The following DCAF1 variants were observed in gnomAD, a reference collection of about 807,000 sequenced individuals.
DCAF1 encodes DDB1 and CUL4 associated factor 1, also known as DDB1- and CUL4-associated factor 1.
In DCAF1, 15 loss-of-function variants were observed where a neutral mutation model predicts 128.0. The observed-to-expected ratio is 0.12, with a 90% CI of 0.08 to 0.18. The LOEUF (loss-of-function observed/expected upper bound fraction) is 0.18. Ranked by LOEUF, DCAF1 falls within the 10% of genes least tolerant of loss-of-function variation. The pLI is 1.00. For missense variants in DCAF1, 988 were observed against 1,649.5 expected, an observed-to-expected ratio of 0.60 and a Z score of 6.95; for synonymous variants, 610 against 603.0, an observed-to-expected ratio of 1.01 and a Z score of -0.17.
rs935699965 is a variant in DCAF1, at chr3:51,398,303, T to C, written c.*466A>G. On this transcript the variant is annotated 3_prime_UTR_variant, in exon 25 of 25. Coordinates refer to ENST00000684031, the MANE Select transcript of DCAF1 (RefSeq NM_001387579.1). ...CCTCTATATTGTTCTTTAGACATCA[T>C]TTTCTTCCAAAGAAAATGAAGTGCA... 1 of 152,894 alleles carries C rather than the reference T, an allele frequency of 6.5e-6. No homozygotes were observed. The highest frequency in any genetic ancestry group is 1.5e-5 in the Non-Finnish European group (1 of 68,592). The allele number at this position is 152,894 out of a possible 1,614,324, so 9.5% of individuals were successfully genotyped here. A position where few individuals can be genotyped will look rare whatever the true frequency, so the allele number is the denominator to read the frequency against.
At chr3:51,448,275 G>T (rs1702061840) in intron 6 of DCAF1, among the ~76,000 whole-genome samples, 1 of 152,060 alleles carries the variant, frequency 6.6e-6, no homozygotes, top group Non-Finnish European at 1.5e-5. Flanking sequence ...TCTAATTCTA[G>T]TCCATGTTTC....
chr3:51,460,039 G>A (rs1343636144), intron 6 of DCAF1, among the ~76,000 whole-genome samples: 1 of 152,136 alleles, frequency 6.6e-6, no homozygotes, highest in East Asian at 1.9e-4. Flanking sequence ...TCAACATAGC[G>A]TTGGGAGTTC....
intron 6 of DCAF1, among the ~76,000 whole-genome samples, chr3:51,452,783 G>A (rs782247458): frequency 6.6e-6 from 1 of 152,030 alleles, no homozygotes; most frequent in South Asian, 2.1e-4. Context: ...AGGCTGAGGT[G>A]GGCGAATCAT....
chr3:51,428,925 G>C (rs560108266), intron 12 of DCAF1, among the ~76,000 whole-genome samples: 1 of 152,242 alleles, frequency 6.6e-6, no homozygotes, highest in East Asian at 1.9e-4. Context: ...CCTGAACCTG[G>C]GAGGTTAATG....
rs904310007 is a variant in DCAF1 at position 51,430,552 on chromosome 3, A to G, written c.1288-340T>C. On this transcript the variant is annotated intron_variant, in intron 10 of 24. Coordinates refer to ENST00000684031, the MANE Select transcript of DCAF1 (RefSeq NM_001387579.1). ...AGGAAGAGGTAAGGAACTTCTCCAAATGTGATAAAAGTGGCTCAGATTTCT... is the reference window on the plus strand; with the variant it reads ...AGGAAGAGGTAAGGAACTTCTCCAAGTGTGATAAAAGTGGCTCAGATTTCT... Among the ~76,000 whole-genome samples the G allele has an allele frequency of 3.4e-5, 5 of 147,256 alleles. No homozygotes were observed. In the South Asian group the frequency reaches 1.1e-3, roughly 32 times the overall value.
chr3:51,424,141 A>G (rs1194693640), intron 13 of DCAF1, among the ~76,000 whole-genome samples: 3 of 152,126 alleles, frequency 2.0e-5, no homozygotes, highest in Non-Finnish European at 4.4e-5. Flanking sequence ...TAAAAAAGAA[A>G]AAACCGGCTG....
intron 24 of DCAF1, among the ~76,000 whole-genome samples, chr3:51,399,528 T>G (rs1316641138): frequency 1.3e-5 from 2 of 152,156 alleles, no homozygotes; most frequent in African/African-American, 2.4e-5. Context: ...GAGGACCCTC[T>G]CTGCTTGACA....
At chr3:51,433,619 G>A (rs937510976) in intron 9 of DCAF1, among the ~76,000 whole-genome samples, 6 of 151,404 alleles carry the variant, frequency 4.0e-5, no homozygotes, top group East Asian at 2.0e-4. Context: ...CCGCCACCAC[G>A]TCCAGCTAAT....
chr3:51,503,733 C>A (rs1708875166), upstream of DCAF1, among the ~76,000 whole-genome samples: 1 of 152,108 alleles, frequency 6.6e-6, no homozygotes, highest in African/African-American at 2.4e-5. Flanking sequence ...TGTACCCCAC[C>A]CCCAGAAAAT....
chr3:51,463,950 T>G (rs1483899693), intron 5 of DCAF1, among the ~76,000 whole-genome samples: 1 of 151,998 alleles, frequency 6.6e-6, no homozygotes, highest in Non-Finnish European at 1.5e-5. Flanking sequence ...GACCTCCCAG[T>G]CTCAAGTGAT....
intron 3 of DCAF1, among the ~76,000 whole-genome samples, chr3:51,479,126 T>G (rs544513247): frequency 4.0e-4 from 61 of 152,238 alleles, no homozygotes; most frequent in Middle Eastern, 3.4e-3. Context: ...TTGACACATT[T>G]ATTAAATAAA....
At chr3:51,419,539 C>T (rs1016461976) in intron 15 of DCAF1, among the ~76,000 whole-genome samples, 195 bp downstream of exon 15, 38 of 152,034 alleles carry the variant, frequency 2.5e-4, no homozygotes, top group Non-Finnish European at 5.3e-4. Context: ...AGAACACAAA[C>T]GATTATATCA....
intron 6 of DCAF1, among the ~76,000 whole-genome samples, chr3:51,451,294 C>G (rs1702330042): frequency 6.6e-6 from 1 of 150,650 alleles, no homozygotes; most frequent in Non-Finnish European, 1.5e-5. Context: ...CCATGTTGCC[C>G]AGCCTGCAGC....
upstream of DCAF1, among the ~76,000 whole-genome samples, chr3:51,502,027 T>C (rs371761493): frequency 9.8e-5 from 15 of 152,292 alleles, 1 homozygote; most frequent in Admixed American, 3.3e-4. Flanking sequence ...TCAGGTGACT[T>C]TCCTGCCATG....
Position 51,419,946 on chromosome 3 carries a change from G to A in DCAF1, c.3024C>T (p.Ile1008=). The change falls in exon 15 of 25, where the codon ATC becomes ATT. Residue 1008 remains isoleucine, a synonymous_variant. Coordinates refer to ENST00000684031, the MANE Select transcript of DCAF1 (RefSeq NM_001387579.1). ...LPSPPTLDSI[I]TEYLREQHAR... ...CATGTTGTTCTCTAAGATACTCTGT[G>A]ATTATACTGTCCAGCGTAGGTGGGG... 1 of 1,614,048 alleles carries A rather than the reference G, an allele frequency of 6.2e-7. No individual in the cohort carries two copies.
At chr3:51,459,784 T>C (rs1703338342) in intron 6 of DCAF1, among the ~76,000 whole-genome samples, 2 of 152,156 alleles carry the variant, frequency 1.3e-5, no homozygotes, top group African/African-American at 4.8e-5. Flanking sequence ...ATCCAGCATA[T>C]AAACAGAACC....
chr3:51,418,216 A>G lies in DCAF1; in HGVS notation c.3436-18T>C, dbSNP rs1553631095. 3 of 1,600,496 alleles carry G rather than the reference A, an allele frequency of 1.9e-6. No individual in the cohort carries two copies. In the African/African-American group the frequency reaches 4.0e-5, roughly 21 times the overall value. ...GACCCATCCTAAAAGAAAAAGGCGCAAGGTGGGTAACCACGTATTTACATA... is the reference window on the plus strand; with the variant it reads ...GACCCATCCTAAAAGAAAAAGGCGCGAGGTGGGTAACCACGTATTTACATA... On this transcript the variant is annotated intron_variant, in intron 16 of 24. Transcript: ENST00000684031.
intron 5 of DCAF1, among the ~76,000 whole-genome samples, chr3:51,463,751 G>T (rs970322467): frequency 5.3e-5 from 8 of 151,898 alleles, no homozygotes; most frequent in Admixed American, 5.3e-4. Flanking sequence ...ACTGCACTCA[G>T]GCCTGGGCAA....
At position 51,427,470 on chromosome 3, in the gene DCAF1, T is replaced by C. The variant is rs1399135151; in HGVS notation, c.1749A>G (p.Leu583=). Residue 583 remains leucine (L), a synonymous_variant, in exon 13 of 25, where the codon CTA becomes CTG. Coordinates refer to ENST00000684031, the MANE Select transcript of DCAF1 (RefSeq NM_001387579.1). The part of the protein sequence containing the change: ...EFLIEYGPAQ[L]YWEPAEVFLK... ...GGAAAACTTCAGCTGGTTCCCAATA[T>C]AGCTGCGCTGGGCCATATTCTATCA... The C allele has an allele frequency of 1.3e-6, 1 of 779,928 alleles. No individual in the cohort carries two copies. The highest frequency in any genetic ancestry group is 1.7e-5 in the Admixed American group (1 of 58,868). The allele number at this position is 779,928 out of a possible 1,614,324, so 48.3% of individuals were successfully genotyped here. A position where few individuals can be genotyped will look rare whatever the true frequency, so the allele number is the denominator to read the frequency against.
Sources: gnomAD v4.1 joint callset for allele counts (sites outside exome capture counted in the v4.1 genomes callset) on GRCh38, gnomAD v4.1.1 for gene constraint, MANE v1.5 for transcripts, NCBI Gene and HGNC (gene_info 2026-07-23, HGNC 2026-07-21) for gene names.